DCST1: variants seen among roughly 807,000 people sequenced by gnomAD.
DCST1 encodes E3 ubiquitin-protein ligase DCST1.
Under a neutral mutation model 89.1 loss-of-function variants are expected in DCST1, and 78 were observed. The ratio of observed to expected loss-of-function variants is 0.88; its 90% CI spans 0.73 to 1.06. DCST1 has a LOEUF of 1.06. Among genes scored for constraint, DCST1 ranks in the 50% least tolerant of loss-of-function variants. The pLI is 0.00. For missense variants in DCST1, 900 were observed against 928.6 expected (o/e 0.97, Z 0.40); for synonymous variants, 364 against 371.9 (o/e 0.98, Z 0.24).
Position 155,048,154 on chromosome 1 carries a change from G to T in DCST1, c.1853G>T (p.Arg618Leu). Residue 618 changes from arginine (R) to leucine (L), a missense_variant, in exon 16 of 17, where the codon CGA (arginine) becomes CTA (leucine). Physicochemically the swap from Arg to Leu is moderately radical, Grantham distance 102. Transcript: ENST00000295542. ...AGGGCCGCTATCCTGAGGCGGGAGC[G>T]ACAGCAGAAGGCTCCGGTAAGTCCA... The part of the protein sequence containing the change: ...LRRAAILRRE[R>L]QQKAPRHPLA... The T allele has an allele frequency of 3.1e-6, 5 of 1,613,918 alleles. No homozygotes were observed. Among genetic ancestry groups the T allele is most frequent in the Non-Finnish European group, 3.4e-6 (4 of 1,179,988 alleles).
intron 16 of DCST1, 61 bp downstream of exon 16, chr1:155,048,231 G>A (rs1003749387): frequency 6.4e-6 from 9 of 1,397,868 alleles, no homozygotes; most frequent in South Asian, 2.4e-5. Flanking sequence ...AGCAGGCAAG[G>A]GGCAGCTCCC....
At chr1:155,045,159 G>A (rs1176062470) in intron 10 of DCST1, 1 of 152,280 alleles carries the variant, frequency 6.6e-6, no homozygotes, top group Non-Finnish European at 1.5e-5. Flanking sequence ...GATTTTTACA[G>A]GGCCCCAGAA....
At position 155,034,662 on chromosome 1, in the gene DCST1, A is replaced by G. The variant is rs749943505; in HGVS notation, c.197A>G (p.Gln66Arg). 3 of 1,614,030 alleles carry G rather than the reference A, an allele frequency of 1.9e-6. No individual in the cohort carries two copies. The highest frequency in any genetic ancestry group is 2.5e-6 in the Non-Finnish European group (3 of 1,180,046). The change falls in exon 4 of 17, where the codon CAG (glutamine) becomes CGG (arginine). Residue 66 changes from glutamine (Q) to arginine (R), a missense_variant. Gln to Arg is a conservative substitution (Grantham distance 43, BLOSUM62 1). Transcript: ENST00000295542. ...GACCTTGTGCCCTTAGGTCTCTTTC[A>G]GCTCCTGGTGAACCCCATGAACATC... ...AGGLLAIGLF[Q>R]LLVNPMNIYE...
chr1:155,041,270 G>C (rs1660432819), intron 6 of DCST1, 127 bp from the exon 7 acceptor site: 1 of 937,410 alleles, frequency 1.1e-6, no homozygotes. Flanking sequence ...GTGTCTCAGG[G>C]CCTAGGCTCC....
rs367926534 is a variant in DCST1, at chr1:155,034,056, A to C, written c.20A>C (p.Gln7Pro). MDIKHHQNGTRGQRRKQ... is the reference protein window; with the variant it reads MDIKHHPNGTRGQRRKQ... ...AGACTCATGGACATTAAACATCATC[A>C]GAATGGCACAAGAGGGCAAAGAAGA... The change falls in exon 2 of 17, where the codon CAG becomes CCG. Residue 7 changes from glutamine to proline, a missense_variant. Coordinates refer to ENST00000295542, the MANE Select transcript of DCST1 (RefSeq NM_152494.4). The C allele has an allele frequency of 8.4e-5, 135 of 1,614,026 alleles. No homozygotes were observed. Among genetic ancestry groups the C allele is most frequent in the Non-Finnish European group, 1.1e-4 (134 of 1,180,032 alleles).
intron 4 of DCST1, among the ~76,000 whole-genome samples, chr1:155,035,516 G>A (rs1199699329): frequency 6.6e-6 from 1 of 152,160 alleles, no homozygotes; most frequent in African/African-American, 2.4e-5. Context: ...GGTTCCTTCT[G>A]TCTTTTCTCT....
At chr1:155,045,735 C>T (rs757471617) in intron 10 of DCST1, 158 bp from the exon 11 acceptor site, 2 of 644,944 alleles carry the variant, frequency 3.1e-6, no homozygotes, top group Non-Finnish European at 5.6e-6. Flanking sequence ...GAGTCTTCTC[C>T]CTGTTATCAC....
Position 155,043,417 on chromosome 1 carries a change from G to T in DCST1, c.1080G>T (p.Arg360=). ...GGGAGCGCGTGAGCACCGAGGTGCG[G>T]GACTACGTGTACCGCCAGGAGGCCC... is the stretch of plus-strand genomic sequence containing the variant. The part of the protein sequence containing the change: ...TSWERVSTEV[R]DYVYRQEARL... The change falls in exon 10 of 17, where the codon CGG becomes CGT. Residue 360 remains arginine (R), a synonymous_variant. Transcript: ENST00000295542. 6.2e-7 allele frequency: 1 copy of T among 1,611,584 alleles called. No homozygotes were observed. Among genetic ancestry groups the T allele is most frequent in the Non-Finnish European group, 8.5e-7 (1 of 1,178,370 alleles).
Position 155,050,649 on chromosome 1 carries a change from C to T in DCST1, c.1902C>T (p.Gly634=). Residue 634 remains glycine, a synonymous_variant, in exon 17 of 17, where the codon GGC becomes GGT. Coordinates refer to ENST00000295542, the MANE Select transcript of DCST1 (RefSeq NM_152494.4). ...CGCTGGCGGATATCCTGCACCGCGG[C>T]TGCCCGCTCCTGCGCCGCTGGCTGT... ...RHPLADILHR[G]CPLLRRWLCR... The T allele has an allele frequency of 1.3e-6, 2 of 1,595,452 alleles. No individual in the cohort carries two copies. The highest frequency in any genetic ancestry group is 1.7e-6 in the Non-Finnish European group (2 of 1,174,348).
intron 16 of DCST1, 37 bp from the exon 17 acceptor site, chr1:155,050,580 C>T (rs1660890812): frequency 5.2e-6 from 8 of 1,533,516 alleles, no homozygotes; most frequent in East Asian, 2.3e-5. Context: ...TTTCCCGCCT[C>T]GCTCCCGGGC....
In DCST1 at chr1:155,040,494, C is replaced by A; in HGVS notation, c.401C>A (p.Ala134Asp). 1 of 1,599,394 alleles carries A rather than the reference C, an allele frequency of 6.3e-7. No homozygotes were observed. The highest frequency in any genetic ancestry group is 8.5e-7 in the Non-Finnish European group (1 of 1,172,324). Reference sequence around the variant, plus strand: ...GGGCCTCTTTCTCCAGGGCCAGTAGCCAATCTGCGACACAATCTCAACAAC... The same window carrying A: ...GGGCCTCTTTCTCCAGGGCCAGTAGACAATCTGCGACACAATCTCAACAAC... ...ALAAIYVGPV[A>D]NLRHNLNNVI... The change falls in exon 6 of 17, where the codon GCC becomes GAC. Residue 134 changes from alanine to aspartate, a missense_variant. Coordinates refer to ENST00000295542, the MANE Select transcript of DCST1 (RefSeq NM_152494.4).
chr1:155,048,716 G>A lies in DCST1; in HGVS notation c.1869+546G>A, dbSNP rs370296362. On this transcript the variant is annotated intron_variant, in intron 16 of 16. Transcript: ENST00000295542. The stretch of plus-strand genomic sequence containing the variant: ...TCAGCCCAGCCTAAGACACTCAGTG[G>A]ACCATTAGGAAGCAGGCAGAAAAGG... 7.2e-5 allele frequency among the ~76,000 whole-genome samples: 11 copies of A among 152,046 alleles called. No homozygotes were observed. In the South Asian group the frequency reaches 2.3e-3, roughly 32 times the overall value.
rs202162660 is a variant in DCST1, at chr1:155,046,399, C to G, written c.1408C>G (p.Leu470Val). Residue 470 changes from leucine to valine, a missense_variant, in exon 13 of 17, where the codon CTG (leucine) becomes GTG (valine). Physicochemically the swap from Leu to Val is conservative, Grantham distance 32. Coordinates refer to ENST00000295542, the MANE Select transcript of DCST1 (RefSeq NM_152494.4). ...GGAGACACTGCCCATTCTGCTGCTG[C>G]TGGTGGTGCTGTGTGGCTTGGACTG... ...LLETLPILLL[L>V]VVLCGLDWAL... 20 of 1,614,074 alleles carry G rather than the reference C, an allele frequency of 1.2e-5. 1 individual carries two copies. In the African/African-American group the frequency reaches 2.0e-4, roughly 16 times the overall value.
intron 4 of DCST1, among the ~76,000 whole-genome samples, chr1:155,038,509 G>A (rs1428766318): frequency 6.6e-6 from 1 of 152,216 alleles, no homozygotes; most frequent in Non-Finnish European, 1.5e-5. Context: ...ACTCTACCAC[G>A]ACAGTGGAGA....
intron 16 of DCST1, among the ~76,000 whole-genome samples, chr1:155,050,334 A>C (rs150781982): frequency 0.01 from 1,559 of 152,340 alleles, 119 homozygotes; most frequent in Admixed American, 0.09. Context: ...CTCACTTCTC[A>C]GCCTCACTGT....
In DCST1 at chr1:155,046,135, C is replaced by G. The variant is rs919355205; in HGVS notation, c.1283C>G (p.Thr428Ser). Reference sequence around the variant, plus strand: ...ACATTTGTTTTCCAGGGCAAACGGACTCTGCTGCCACTCCGCAAAGCTGAG... The same window carrying G: ...ACATTTGTTTTCCAGGGCAAACGGAGTCTGCTGCCACTCCGCAAAGCTGAG... ...DDRRKKLGKR[T>S]LLPLRKAEEK... The change falls in exon 12 of 17, where the codon ACT becomes AGT. Residue 428 changes from threonine (T) to serine (S), a missense_variant. Physicochemically the swap from Thr to Ser is moderately conservative, Grantham distance 58 (BLOSUM62 1). Transcript: ENST00000295542. 1.2e-6 allele frequency: 2 copies of G among 1,614,196 alleles called. No homozygotes were observed. Among genetic ancestry groups the G allele is most frequent in the Non-Finnish European group, 1.7e-6 (2 of 1,180,050 alleles).
At chr1:155,043,903 C>T (rs1212341943) in intron 10 of DCST1, among the ~76,000 whole-genome samples, 2 of 152,222 alleles carry the variant, frequency 1.3e-5, no homozygotes, top group Admixed American at 6.5e-5. Context: ...CAGCGACTTT[C>T]CCTCCATTTA....
intron 4 of DCST1, 129 bp from the exon 5 acceptor site, chr1:155,039,274 G>A: frequency 1.7e-6 from 2 of 1,194,580 alleles, no homozygotes; most frequent in Non-Finnish European, 2.2e-6. Flanking sequence ...CAGAGTCAGT[G>A]TAAATGGGGA....
intron 4 of DCST1, 107 bp from the exon 5 acceptor site, chr1:155,039,296 T>A: frequency 7.3e-7 from 1 of 1,362,772 alleles, no homozygotes; most frequent in Non-Finnish European, 9.7e-7. Context: ...AAGGGCAGGA[T>A]GGTGGTGGTT....
Sources: allele counts gnomAD v4.1 joint callset (sites outside exome capture counted in the v4.1 genomes callset), GRCh38; gene constraint gnomAD v4.1.1; transcripts MANE v1.5; gene names NCBI Gene and HGNC (gene_info 2026-07-23, HGNC 2026-07-21).